VSTM1: variants seen among roughly 807,000 people sequenced by gnomAD.
VSTM1 encodes the protein V-set and transmembrane domain containing 1, also known as V-set and transmembrane domain-containing protein 1.
Under a neutral mutation model 33.1 loss-of-function variants are expected in VSTM1, and 27 were observed. The ratio of observed to expected loss-of-function variants is 0.82; its 90% CI spans 0.60 to 1.12. The LOEUF is 1.12. Among genes scored for constraint, VSTM1 ranks in the 50% most tolerant of loss-of-function variants. VSTM1 has a pLI of 0.00. For synonymous variants in VSTM1, 115 were observed against 110.3 expected (o/e 1.04, Z -0.27); for missense variants, 304 against 288.9 (o/e 1.05, Z -0.38).
At chr19:54,063,652 C>T (rs1460296917) in intron 1 of VSTM1, 92 bp downstream of exon 1, 1 of 1,525,412 alleles carries the variant, frequency 6.6e-7, no homozygotes, top group Non-Finnish European at 9.0e-7. Context: ...GAAGTCATTA[C>T]TTCCACACAC....
In VSTM1 at chr19:54,042,368, G is replaced by A. The variant is rs1464534875; in HGVS notation, c.396C>T (p.Asp132=). 1.2e-6 allele frequency: 2 copies of A among 1,613,210 alleles called. No homozygotes were observed. Among genetic ancestry groups the A allele is most frequent in the Admixed American group, 1.7e-5 (1 of 59,956 alleles). Residue 132 remains aspartate (D), a splice_region_variant and synonymous_variant, in exon 5 of 9, where the codon GAC becomes GAT. Transcript: ENST00000338372. ...AGATGGCGACAAAGATGGTTCTGGT[G>A]TCTGGAGGGGGAAGAGCAGGTCAGG... The part of the protein sequence containing the change: ...DELEAPSMKT[D]TRTIFVAIFS...
At chr19:54,058,672 A>G (rs2071234152) in intron 2 of VSTM1, 25 bp downstream of exon 2, 1 of 1,613,870 alleles carries the variant, frequency 6.2e-7, no homozygotes. Flanking sequence ...TGCAGGAATA[A>G]AAGTTTAAGT....
rs1442695207 is a variant in VSTM1, at chr19:54,056,213, TC to T, written c.355+2092del. 3.7e-4 allele frequency among the ~76,000 whole-genome samples: 23 copies of T among 62,016 alleles called. 1 individual carries two copies. Among genetic ancestry groups the T allele is most frequent in the African/African-American group, 8.0e-4 (16 of 20,040 alleles). The allele number at this position is 62,016 out of a possible 152,430, so 40.7% of individuals were successfully genotyped here. ...TTTCTTTCTTTCTTTTCTTTTCTTT[TC>T]TTTTTTTTTTTTTTTTTTTTTTTTT... On this transcript the variant is annotated intron_variant, in intron 3 of 8. Transcript: ENST00000338372.
intron 3 of VSTM1, among the ~76,000 whole-genome samples, chr19:54,057,483 C>A (rs1233928433): frequency 6.6e-6 from 1 of 150,772 alleles, no homozygotes; most frequent in African/African-American, 2.4e-5. Flanking sequence ...CCACTGCACT[C>A]CTGCCTGGGT....
rs1320221580 is a variant in VSTM1 at position 54,042,837 on chromosome 19, T to TATATATACAC, written c.395-469_395-468insGTGTATATAT. On this transcript the variant is annotated intron_variant, in intron 4 of 8. Coordinates refer to ENST00000338372, the MANE Select transcript of VSTM1 (RefSeq NM_198481.4). ...ATATATATATATATATATATATATATACATATATATATATATATACACACT... is the reference window on the plus strand; with the variant it reads ...ATATATATATATATATATATATATATATATATACACACATATATATATATATATACACACT... 9.0e-5 allele frequency among the ~76,000 whole-genome samples: 6 copies of TATATATACAC among 66,414 alleles called. No homozygotes were observed. In the South Asian group the frequency reaches 2.4e-3, roughly 27 times the overall value. 43.6% of individuals were successfully genotyped at this position (66,414 alleles called of 152,430 possible).
At chr19:54,059,581 G>T (rs1299608509) in intron 1 of VSTM1, among the ~76,000 whole-genome samples, 1 of 151,158 alleles carries the variant, frequency 6.6e-6, no homozygotes, top group Non-Finnish European at 1.5e-5. Flanking sequence ...AGTGATACTC[G>T]TACCTCAGGC....
At chr19:54,061,821 G>GA (rs1228698586) in intron 1 of VSTM1, among the ~76,000 whole-genome samples, 147 of 142,330 alleles carry the variant, frequency 1.0e-3, no homozygotes, top group African/African-American at 1.6e-3. Flanking sequence ...CTAAAGAAAA[G>GA]AAAAAAAAAA....
chr19:54,042,170 T>C lies in VSTM1; in HGVS notation c.514A>G (p.Arg172Gly), dbSNP rs780526241. The change falls in exon 6 of 9, where the codon AGA becomes GGA. Residue 172 changes from arginine to glycine, a missense_variant and splice_region_variant. Physicochemically the swap from Arg to Gly is moderately radical, Grantham distance 125 (BLOSUM62 -2). Transcript: ENST00000338372. ...GCATGAGCTATGCCAAGCATCTACC[T>C]CTTGGTGGATTCCTCAGATGATGAA... ...HSSSSEESTK[R>G]TSHSKLPEQE... The C allele has an allele frequency of 6.2e-7, 1 of 1,613,850 alleles. No homozygotes were observed. Among genetic ancestry groups the C allele is most frequent in the South Asian group, 1.1e-5 (1 of 91,058 alleles).
chr19:54,042,833 T>TACAC (rs2070382436), intron 4 of VSTM1, among the ~76,000 whole-genome samples: 5 of 75,062 alleles, frequency 6.7e-5, no homozygotes, highest in African/African-American at 2.1e-4. Context: ...TATATATATA[T>TACAC]ATATACATAT....
intron 4 of VSTM1, 57 bp from the exon 5 acceptor site, chr19:54,042,426 G>A (rs1600104923): frequency 1.3e-6 from 2 of 1,571,954 alleles, no homozygotes; most frequent in East Asian, 2.3e-5. Flanking sequence ...CCACTGATAG[G>A]GGCGAGCCGA....
chr19:54,054,852 GAT>G (rs2071013365), intron 3 of VSTM1, among the ~76,000 whole-genome samples: 1 of 41,398 alleles, frequency 2.4e-5, no homozygotes, highest in Non-Finnish European at 9.7e-5. Flanking sequence ...TAGATGAATG[GAT>G]GGATGGATGG....
At position 54,051,407 on chromosome 19, in the gene VSTM1, T is replaced by C; in HGVS notation, c.394+3A>G. 1.3e-6 allele frequency: 2 copies of C among 1,599,922 alleles called. No individual in the cohort carries two copies. The highest frequency in any genetic ancestry group is 2.3e-5 in the South Asian group (2 of 88,344). On this transcript the variant is annotated splice_donor_region_variant and intron_variant, in intron 4 of 8. Coordinates refer to ENST00000338372, the MANE Select transcript of VSTM1 (RefSeq NM_198481.4). Reference sequence around the variant, plus strand: ...AAAAACATCTCCTTTCTAATTATCTTACCTGTTTTCATTGAGGGAGCTTCA... The same window carrying C: ...AAAAACATCTCCTTTCTAATTATCTCACCTGTTTTCATTGAGGGAGCTTCA...
rs773562512 is a variant in VSTM1, at chr19:54,041,079, G to A, written c.593C>T (p.Thr198Met). The A allele has an allele frequency of 1.6e-5, 26 of 1,577,432 alleles. No homozygotes were observed. The highest frequency in any genetic ancestry group is 4.7e-5 in the East Asian group (2 of 42,544). Reference sequence around the variant, plus strand: ...ATAGGTCACTCCTTGGGGGTCTGCCGTCTTTGGAGAAAATAGATGAATATT... The same window carrying A: ...ATAGGTCACTCCTTGGGGGTCTGCCATCTTTGGAGAAAATAGATGAATATT... The part of the protein sequence containing the change: ...LSNMERVSLS[T>M]ADPQGVTYAE... The change falls in exon 9 of 9, where the codon ACG becomes ATG. Residue 198 changes from threonine (T) to methionine (M), a missense_variant and splice_region_variant. Transcript: ENST00000338372.
intron 8 of VSTM1, among the ~76,000 whole-genome samples, chr19:54,041,522 C>T (rs979569608): frequency 2.0e-5 from 3 of 151,976 alleles, no homozygotes; most frequent in Admixed American, 6.6e-5. Context: ...AGGATGGTCT[C>T]GATCTCCTGA....
intron 4 of VSTM1, among the ~76,000 whole-genome samples, chr19:54,045,903 CATCTATCTT>C (rs1402707859): frequency 2.0e-5 from 3 of 152,054 alleles, no homozygotes; most frequent in Non-Finnish European, 4.4e-5. Flanking sequence ...TCTATCTAAT[CATCTATCTT>C]ATCTATTATA....
At chr19:54,060,103 C>T (rs1020796704) in intron 1 of VSTM1, among the ~76,000 whole-genome samples, 9 of 151,988 alleles carry the variant, frequency 5.9e-5, no homozygotes, top group Non-Finnish European at 1.2e-4. Flanking sequence ...CCACCCGCCT[C>T]GGACTCCCAA....
At chr19:54,043,307 T>G (rs1000200496) in intron 4 of VSTM1, among the ~76,000 whole-genome samples, 1 of 152,128 alleles carries the variant, frequency 6.6e-6, no homozygotes, top group Non-Finnish European at 1.5e-5. Flanking sequence ...CTGGATCCCC[T>G]GCCTGCCTGC....
chr19:54,061,192 AT>A (rs2071380778), intron 1 of VSTM1, among the ~76,000 whole-genome samples: 1 of 151,018 alleles, frequency 6.6e-6, no homozygotes, highest in Non-Finnish European at 1.5e-5. Context: ...TAATTTTTGT[AT>A]TTTTAGTAGA....
intron 1 of VSTM1, among the ~76,000 whole-genome samples, chr19:54,060,777 A>G (rs118038383): frequency 0.042 from 6,378 of 151,586 alleles, 188 homozygotes; most frequent in Non-Finnish European, 0.066. Flanking sequence ...TGCAGCCTCA[A>G]CCTCCTGGGC....
Sources: gnomAD v4.1 joint callset for allele counts (sites outside exome capture counted in the v4.1 genomes callset) on GRCh38, gnomAD v4.1.1 for gene constraint, MANE v1.5 for transcripts, NCBI Gene and HGNC (gene_info 2026-07-23, HGNC 2026-07-21) for gene names.